Variants in MARCHF11 observed in about 807,000 individuals in gnomAD.
The protein encoded by MARCHF11 is E3 ubiquitin-protein ligase MARCHF11.
In MARCHF11, 29 loss-of-function variants were observed where a neutral mutation model predicts 37.3. That is an observed-to-expected ratio of 0.78 (90% CI 0.58 to 1.06). MARCHF11 has a LOEUF of 1.06. Among genes scored for constraint, MARCHF11 ranks in the 50% least tolerant of loss-of-function variants. MARCHF11 has a pLI of 0.00. For missense variants in MARCHF11, 482 were observed against 533.4 expected (o/e 0.90, Z 0.95); for synonymous variants, 233 against 228.0 (o/e 1.02, Z -0.20).
chr5:16,140,177 C>T (rs1264518085), intron 2 of MARCHF11, among the ~76,000 whole-genome samples: 1 of 151,978 alleles, frequency 6.6e-6, no homozygotes, highest in Non-Finnish European at 1.5e-5. Flanking sequence ...GAGGAAAATT[C>T]ACAGCCTAAA....
intron 3 of MARCHF11, among the ~76,000 whole-genome samples, chr5:16,086,030 A>G (rs975126454): frequency 6.6e-6 from 1 of 151,396 alleles, no homozygotes; most frequent in Non-Finnish European, 1.5e-5. Flanking sequence ...TAAAAGAAAT[A>G]TTCATGTAAA....
intron 2 of MARCHF11, among the ~76,000 whole-genome samples, chr5:16,092,670 C>A (rs746891255): frequency 6.6e-6 from 1 of 152,064 alleles, no homozygotes; most frequent in Non-Finnish European, 1.5e-5. Flanking sequence ...TTGATGGGTG[C>A]AGCAAACCAC....
intron 2 of MARCHF11, among the ~76,000 whole-genome samples, chr5:16,150,251 C>T (rs1201104196): frequency 6.7e-6 from 1 of 149,552 alleles, no homozygotes; most frequent in African/African-American, 2.6e-5. Flanking sequence ...GTTATGAGAG[C>T]TAATTCCTGC....
In MARCHF11 at chr5:16,179,743, T is replaced by G; in HGVS notation, c.-168A>C. The G allele has an allele frequency of 6.3e-6, 2 of 315,172 alleles. No homozygotes were observed. Among genetic ancestry groups the G allele is most frequent in the East Asian group, 7.6e-5 (1 of 13,168 alleles). The allele number at this position is 315,172 out of a possible 1,614,324, so 19.5% of individuals were successfully genotyped here. On this transcript the variant is annotated 5_prime_UTR_variant, in exon 1 of 4. Coordinates refer to ENST00000332432, the MANE Select transcript of MARCHF11 (RefSeq NM_001102562.3). The stretch of plus-strand genomic sequence containing the variant: ...GAGGGGATGCGGAAGGTTCTGCAGC[T>G]GCGGCGGCGGCAGGCGCGGCCGTTC...
rs572352656 is a variant in MARCHF11 at position 16,085,870 on chromosome 5, G to A, written c.886+5019C>T. Among the ~76,000 whole-genome samples, 16 of 144,164 alleles carry A rather than the reference G, an allele frequency of 1.1e-4. No individual in the cohort carries two copies. In the South Asian group the frequency reaches 2.4e-3, roughly 22 times the overall value. The allele number at this position is 144,164 out of a possible 152,430, so 94.6% of individuals were successfully genotyped here. On this transcript the variant is annotated intron_variant, in intron 3 of 3. Transcript: ENST00000332432. ...CAGGATAATGGCATGAACCCGGGAGGTGGAGCTTGCAGTGAGCCGAGATCG... is the reference window on the plus strand; with the variant it reads ...CAGGATAATGGCATGAACCCGGGAGATGGAGCTTGCAGTGAGCCGAGATCG...
At chr5:16,084,956 A>G (rs16868089) in intron 3 of MARCHF11, among the ~76,000 whole-genome samples, 17,711 of 151,838 alleles carry the variant, frequency 0.12, 2,674 homozygotes, top group African/African-American at 0.35. Flanking sequence ...TTGGTTCCTC[A>G]TGGGTATACA....
chr5:16,151,226 A>G (rs1737881604), intron 2 of MARCHF11, among the ~76,000 whole-genome samples: 1 of 151,970 alleles, frequency 6.6e-6, no homozygotes. Context: ...ATAGTAACCC[A>G]TTGTATTTGG....
intron 2 of MARCHF11, among the ~76,000 whole-genome samples, chr5:16,149,190 C>A (rs1737851045): frequency 6.6e-6 from 1 of 152,096 alleles, no homozygotes; most frequent in Non-Finnish European, 1.5e-5. Flanking sequence ...CCACTGTAGC[C>A]CTAACTTCAA....
chr5:16,069,695 A>T (rs1466951296), intron 3 of MARCHF11, among the ~76,000 whole-genome samples: 5 of 152,146 alleles, frequency 3.3e-5, no homozygotes, highest in Non-Finnish European at 7.4e-5. Context: ...AAGCGGGGAA[A>T]ATCAGAGTCC....
At chr5:16,160,416 T>A (rs1465118066) in intron 2 of MARCHF11, among the ~76,000 whole-genome samples, 2 of 146,430 alleles carry the variant, frequency 1.4e-5, no homozygotes, top group Non-Finnish European at 3.0e-5. Context: ...TTTTATAATT[T>A]TATATTTATA....
rs539694114 is a variant in MARCHF11, at chr5:16,125,895, G to A, written c.694-34814C>T. Among the ~76,000 whole-genome samples the A allele has an allele frequency of 2.0e-5, 3 of 152,270 alleles. No individual in the cohort carries two copies. In the South Asian group the frequency reaches 6.2e-4, roughly 32 times the overall value. On this transcript the variant is annotated intron_variant, in intron 2 of 3. Transcript: ENST00000332432. ...CACTTGTACTTTTATCCATAAGAAAGGCACAGCAAAGAAGTGTTTTGCCTG... is the reference window on the plus strand; with the variant it reads ...CACTTGTACTTTTATCCATAAGAAAAGCACAGCAAAGAAGTGTTTTGCCTG...
intron 2 of MARCHF11, among the ~76,000 whole-genome samples, chr5:16,166,347 A>T (rs1738168242): frequency 6.6e-6 from 1 of 152,056 alleles, no homozygotes; most frequent in Non-Finnish European, 1.5e-5. Context: ...CTCAACAGAC[A>T]AGAGCTAGAA....
chr5:16,144,287 C>A (rs1737766270), intron 2 of MARCHF11, among the ~76,000 whole-genome samples: 1 of 152,122 alleles, frequency 6.6e-6, no homozygotes, highest in Admixed American at 6.6e-5. Flanking sequence ...CCTTGAATAG[C>A]CTCTAAATAT....
rs146522974 is a variant in MARCHF11, at chr5:16,131,951, G to A, written c.694-40870C>T. On this transcript the variant is annotated intron_variant, in intron 2 of 3. Transcript: ENST00000332432. ...CTGTGGTAAAGTAAAGTTCACTAAC[G>A]TAGAAAGAACGAAAAAGGAAAGCAG... Among the ~76,000 whole-genome samples, 8 of 152,288 alleles carry A rather than the reference G, an allele frequency of 5.3e-5. No individual in the cohort carries two copies. In the East Asian group the frequency reaches 9.7e-4, roughly 18 times the overall value.
At chr5:16,070,563 CT>C (rs1736418484) in intron 3 of MARCHF11, among the ~76,000 whole-genome samples, 2 of 152,182 alleles carry the variant, frequency 1.3e-5, no homozygotes, top group African/African-American at 2.4e-5. Context: ...CTATTCTTTT[CT>C]TATTGATTTC....
intron 2 of MARCHF11, among the ~76,000 whole-genome samples, chr5:16,124,752 G>A (rs983816420): frequency 7.1e-6 from 1 of 141,724 alleles, no homozygotes; most frequent in African/African-American, 2.5e-5. Flanking sequence ...GATACCTACA[G>A]AGAGAATTCT....
chr5:16,150,456 G>A, intron 2 of MARCHF11, among the ~76,000 whole-genome samples: 1 of 149,522 alleles, frequency 6.7e-6, no homozygotes, highest in East Asian at 1.9e-4. Context: ...GCCTCCATGG[G>A]CAAGCCTGAG....
chr5:16,089,625 GA>G (rs1736759648), intron 3 of MARCHF11, among the ~76,000 whole-genome samples: 1 of 150,584 alleles, frequency 6.6e-6, no homozygotes, highest in Non-Finnish European at 1.5e-5. Flanking sequence ...AAATCATGCT[GA>G]CAATATTTTA....
chr5:16,130,163 T>C (rs1737491067), intron 2 of MARCHF11, among the ~76,000 whole-genome samples: 1 of 152,048 alleles, frequency 6.6e-6, no homozygotes, highest in South Asian at 2.1e-4. Context: ...AATTATATCC[T>C]GATTCATTTT....
Sources: gnomAD v4.1 joint callset for allele counts (sites outside exome capture counted in the v4.1 genomes callset) on GRCh38, gnomAD v4.1.1 for gene constraint, MANE v1.5 for transcripts, NCBI Gene and HGNC (gene_info 2026-07-23, HGNC 2026-07-21) for gene names.